USP42: variants seen among roughly 807,000 people sequenced by gnomAD.
The protein encoded by USP42 is ubiquitin carboxyl-terminal hydrolase 42.
Under a neutral mutation model 113.0 loss-of-function variants are expected in USP42, and 23 were observed. The observed-to-expected ratio is 0.20, with a 90% CI of 0.15 to 0.29. The LOEUF is 0.29. Ranked by LOEUF, USP42 falls within the 10% of genes least tolerant of loss-of-function variation. The pLI is 1.00. For synonymous variants in USP42, 933 were observed against 699.0 expected (o/e 1.33, Z -5.28); for missense variants, 2,174 against 1,779.8 (o/e 1.22, Z -3.99).
intron 3 of USP42, among the ~76,000 whole-genome samples, chr7:6,127,725 C>G (rs1022377304): frequency 7.2e-5 from 11 of 152,172 alleles, no homozygotes; most frequent in Non-Finnish European, 1.5e-4. Context: ...CTTTATTCTT[C>G]ACAATAGTTT....
Position 6,132,164 on chromosome 7 carries a change from G to A in USP42, c.443-3677G>A, listed in dbSNP as rs940113434. On this transcript the variant is annotated intron_variant, in intron 3 of 17. Transcript: ENST00000306177. ...TGGTCTCGAACTCCTAGGCTCAAGC[G>A]ATCCACCCGCCTTGGCTTCCCAAAG... is the stretch of plus-strand genomic sequence containing the variant. Among the ~76,000 whole-genome samples, 14 of 152,154 alleles carry A rather than the reference G, an allele frequency of 9.2e-5. No individual in the cohort carries two copies. The East Asian group carries it at 2.7e-3, about 29-fold the overall frequency.
At chr7:6,125,756 GTT>G (rs1351352339) in intron 3 of USP42, among the ~76,000 whole-genome samples, 3 of 146,434 alleles carry the variant, frequency 2.0e-5, no homozygotes, top group Admixed American at 2.0e-4. Flanking sequence ...CCTTACTTTT[GTT>G]TTGTTTTGTT....
intron 1 of USP42, 46 bp from the exon 2 acceptor site, chr7:6,111,079 C>T: frequency 6.4e-7 from 1 of 1,564,814 alleles, no homozygotes; most frequent in East Asian, 2.3e-5. Context: ...AAGGAGATTG[C>T]TTTTCTCACC....
chr7:6,106,441 G>C (rs1043904668), intron 1 of USP42, among the ~76,000 whole-genome samples: 15 of 152,196 alleles, frequency 9.9e-5, no homozygotes, highest in African/African-American at 2.4e-4. Context: ...TCTAGCATTT[G>C]ATAACAAGGG....
rs1782315116 is a variant in USP42 at position 6,154,661 on chromosome 7, A to T, written c.3107A>T (p.His1036Leu). 1 of 1,606,296 alleles carries T rather than the reference A, an allele frequency of 6.2e-7. No individual in the cohort carries two copies. The highest frequency in any genetic ancestry group is 8.5e-7 in the Non-Finnish European group (1 of 1,177,306). The change falls in exon 15 of 18, where the codon CAC becomes CTC. Residue 1036 changes from histidine to leucine, a missense_variant. His to Leu is a moderately conservative substitution (Grantham distance 99, BLOSUM62 -3). Transcript: ENST00000306177. The part of the protein sequence containing the change: ...SGVELDWVRH[H>L]YTEGERGWGR... The stretch of plus-strand genomic sequence containing the variant: ...GTGGAGCTGGACTGGGTCAGACACC[A>T]CTACACCGAGGGCGAGCGTGGCTGG...
rs757454085 is a variant in USP42, at chr7:6,154,155, C to T, written c.2601C>T (p.Cys867=). The change falls in exon 15 of 18, where the codon TGC becomes TGT. Residue 867 remains cysteine, a synonymous_variant. Transcript: ENST00000306177. ...CGCCTGCGCGGTCGGAGGAGCCCTG[C>T]GAGCAGCCACTCCTTGTTCACCCCA... ...PAPPARSEEP[C]EQPLLVHPSG... 6.3e-7 allele frequency: 1 copy of T among 1,593,968 alleles called. No individual in the cohort carries two copies. The highest frequency in any genetic ancestry group is 8.5e-7 in the Non-Finnish European group (1 of 1,171,228).
chr7:6,082,597 C>G, the USP42 span, among the ~76,000 whole-genome samples: 58 of 116,518 alleles, frequency 5.0e-4, 3 homozygotes, highest in African/African-American at 1.7e-3. Context: ...TATTTTCTTT[C>G]TTTCTGTTTT....
chr7:6,086,160 C>T, the USP42 span, among the ~76,000 whole-genome samples: 2 of 149,742 alleles, frequency 1.3e-5, no homozygotes, highest in Non-Finnish European at 2.9e-5. Context: ...CTCAGCCTCC[C>T]GAGTACCTGG....
chr7:6,123,717 GTTC>G (rs1339942201), intron 3 of USP42, among the ~76,000 whole-genome samples: 1 of 150,896 alleles, frequency 6.6e-6, no homozygotes, highest in East Asian at 2.0e-4. Context: ...GCGTGGTGGT[GTTC>G]TTCTATAGTC....
At chr7:6,145,404 C>A in intron 9 of USP42, 112 bp from the exon 10 acceptor site, 1 of 1,259,096 alleles carries the variant, frequency 7.9e-7, no homozygotes, top group South Asian at 1.4e-5. Flanking sequence ...TATCACAGGG[C>A]TCAGGTGTTC....
Position 6,154,847 on chromosome 7 carries a change from G to C in USP42, c.3293G>C (p.Arg1098Pro). ...GAGCGGCCGCACAAGGACCACAACC[G>C]GGGCCGTAGGGGCTGCGAGCCGGCC... ...LHERPHKDHN[R>P]GRRGCEPARE... Residue 1098 changes from arginine (R) to proline (P), a missense_variant, in exon 15 of 18, where the codon CGG (arginine) becomes CCG (proline). Transcript: ENST00000306177. The C allele has an allele frequency of 2.6e-6, 4 of 1,532,014 alleles. No individual in the cohort carries two copies. Among genetic ancestry groups the C allele is most frequent in the Non-Finnish European group, 3.5e-6 (4 of 1,137,324 alleles). The allele number at this position is 1,532,014 out of a possible 1,614,324, so 94.9% of individuals were successfully genotyped here. A position where few individuals can be genotyped will look rare whatever the true frequency, so the allele number is the denominator to read the frequency against.
chr7:6,111,339 C>G lies in USP42; in HGVS notation c.206C>G (p.Pro69Arg). The G allele has an allele frequency of 1.2e-6, 2 of 1,611,224 alleles. No individual in the cohort carries two copies. The highest frequency in any genetic ancestry group is 1.7e-6 in the Non-Finnish European group (2 of 1,178,594). The change falls in exon 2 of 18, where the codon CCT becomes CGT. Residue 69 changes from proline (P) to arginine (R), a missense_variant. Pro to Arg is a moderately radical substitution (Grantham distance 103). Coordinates refer to ENST00000306177, the MANE Select transcript of USP42 (RefSeq NM_032172.3). ...GTAGTTTATTCGAGTTCATCTGTACCTGATAAATCAAAACCATCACCACAA... is the reference window on the plus strand; with the variant it reads ...GTAGTTTATTCGAGTTCATCTGTACGTGATAAATCAAAACCATCACCACAA... ...GAVVYSSSSV[P>R]DKSKPSPQKD...
At chr7:6,124,792 A>G (rs760751789) in intron 3 of USP42, among the ~76,000 whole-genome samples, 36 of 151,568 alleles carry the variant, frequency 2.4e-4, no homozygotes, top group Non-Finnish European at 3.7e-4. Flanking sequence ...ATATGATTTT[A>G]TTTAATCTGC....
chr7:6,156,887 C>T lies in USP42; in HGVS notation c.3775C>T (p.Pro1259Ser), dbSNP rs1304848477. 1 of 1,613,630 alleles carries T rather than the reference C, an allele frequency of 6.2e-7. No homozygotes were observed. ...TGTTAAAGATTCAGAACTGCACTTA[C>T]CCAGGGTCACCAGCTTGGAGACTGT... ...DFVKDSELHL[P>S]RVTSLETVAQ... The change falls in exon 16 of 18, where the codon CCC (proline) becomes TCC (serine). Residue 1259 changes from proline (P) to serine (S), a missense_variant. By Grantham distance (74) the Pro-to-Ser change is moderately conservative. Coordinates refer to ENST00000306177, the MANE Select transcript of USP42 (RefSeq NM_032172.3).
chr7:6,159,408 G>C lies in USP42; in HGVS notation c.3944-42G>C. 1 of 1,613,724 alleles carries C rather than the reference G, an allele frequency of 6.2e-7. No homozygotes were observed. The highest frequency in any genetic ancestry group is 8.5e-7 in the Non-Finnish European group (1 of 1,179,774). ...ACACAGCAGAGGCCCTGGCGATTTT[G>C]CAACCATCATTAAAATCTCTTTCCT... is the stretch of plus-strand genomic sequence containing the variant. On this transcript the variant is annotated intron_variant, in intron 16 of 17. Coordinates refer to ENST00000306177, the MANE Select transcript of USP42 (RefSeq NM_032172.3). This position sits in a 1 kb window ranked among gnomAD's most constrained non-coding sequence, Gnocchi z 4.1.
rs760312724 is a variant in USP42 at position 6,159,865 on chromosome 7, T to G, written c.*36+372T>G. On this transcript the variant is annotated intron_variant, in intron 17 of 17. Coordinates refer to ENST00000306177, the MANE Select transcript of USP42 (RefSeq NM_032172.3). This position sits in a 1 kb window ranked among gnomAD's most constrained non-coding sequence, Gnocchi z 4.1. ...CCGGTCCCCAGCACAGGCACCTCAC[T>G]CAGGAGAGCGGAGCCTTGCTCCCTC... Among the ~76,000 whole-genome samples, 14 of 152,206 alleles carry G rather than the reference T, an allele frequency of 9.2e-5. No individual in the cohort carries two copies. The highest frequency in any genetic ancestry group is 1.5e-4 in the Non-Finnish European group (10 of 68,020).
intron 3 of USP42, among the ~76,000 whole-genome samples, chr7:6,126,108 AT>A (rs1217135515): frequency 1.3e-5 from 2 of 152,066 alleles, no homozygotes; most frequent in Non-Finnish European, 2.9e-5. Flanking sequence ...GTGACCACTG[AT>A]TCTCCATTTC....
chr7:6,150,571 G>T (rs1562849744), intron 14 of USP42, 65 bp downstream of exon 14: 1 of 1,370,276 alleles, frequency 7.3e-7, no homozygotes, highest in Non-Finnish European at 1.0e-6. Context: ...GCCTCCAGAT[G>T]TGTCAGTATT....
chr7:6,093,520 C>T, the USP42 span, among the ~76,000 whole-genome samples: 6 of 150,704 alleles, frequency 4.0e-5, 2 homozygotes, highest in African/African-American at 9.9e-5. Flanking sequence ...TGATCTCAAG[C>T]GATTCTCCCG....
Sources: allele counts gnomAD v4.1 joint callset (sites outside exome capture counted in the v4.1 genomes callset), GRCh38; gene constraint gnomAD v4.1.1; non-coding constraint Gnocchi (gnomAD v3.1); transcripts MANE v1.5; gene names NCBI Gene and HGNC (gene_info 2026-07-23, HGNC 2026-07-21).